The following SYNE1 variants were observed in gnomAD, a reference collection of about 807,000 sequenced individuals.
SYNE1 encodes nesprin-1.
Under a neutral mutation model 1,111.0 loss-of-function variants are expected in SYNE1, and 616 were observed. That is an observed-to-expected ratio of 0.55 (90% CI 0.52 to 0.59). The LOEUF is 0.59. Among genes scored for constraint, SYNE1 ranks in the 20% least tolerant of loss-of-function variants. SYNE1 has a pLI of 0.00. For missense variants in SYNE1, 10,006 were observed against 10,417.0 expected (o/e 0.96, Z 1.72); for synonymous variants, 3,855 against 3,825.8 (o/e 1.01, Z -0.28).
At chr6:152,379,365 G>T (rs2097354524) in intron 56 of SYNE1, among the ~76,000 whole-genome samples, 1 of 151,844 alleles carries the variant, frequency 6.6e-6, no homozygotes, top group African/African-American at 2.4e-5. Context: ...ATAGTAAATA[G>T]AATTATTTTT....
chr6:152,440,633 T>C (rs2098520713), intron 32 of SYNE1, among the ~76,000 whole-genome samples: 1 of 144,426 alleles, frequency 6.9e-6, no homozygotes, highest in African/African-American at 2.6e-5. Context: ...AGTGGTGCCA[T>C]CTCGGCTCAC....
rs531509770 is a variant in SYNE1, at chr6:152,233,482, G to A, written c.20712+299C>T. ...TGGGACTACAGGCGCACACCGCCACGCCAGGCTAATTTTTTGTATTTTAGT... is the reference window on the plus strand; with the variant it reads ...TGGGACTACAGGCGCACACCGCCACACCAGGCTAATTTTTTGTATTTTAGT... On this transcript the variant is annotated intron_variant, in intron 112 of 145. Transcript: ENST00000367255. Among the ~76,000 whole-genome samples the A allele has an allele frequency of 1.8e-4, 27 of 152,110 alleles. 1 individual carries two copies. The South Asian group carries it at 5.2e-3, about 29-fold the overall frequency.
intron 81 of SYNE1, among the ~76,000 whole-genome samples, chr6:152,324,576 C>T (rs2095996535): frequency 1.3e-5 from 2 of 152,038 alleles, no homozygotes; most frequent in African/African-American, 4.8e-5. Context: ...GGGCGGATCA[C>T]GAGGTCAGGA....
intron 3 of SYNE1, among the ~76,000 whole-genome samples, chr6:152,559,303 G>A (rs987872303): frequency 6.6e-6 from 1 of 152,070 alleles, no homozygotes; most frequent in Non-Finnish European, 1.5e-5. Context: ...GTCTCACTGT[G>A]TTGCCCAGGC....
In SYNE1 at chr6:152,166,242, G is replaced by C. The variant is rs149715420; in HGVS notation, c.23628-1917C>G. On this transcript the variant is annotated intron_variant, in intron 130 of 145. Transcript: ENST00000367255. The stretch of plus-strand genomic sequence containing the variant: ...CTGGAAATGTGAATTTCTATATTTG[G>C]CTATTTCCCTACCCCGGCCATGCTA... Among the ~76,000 whole-genome samples the C allele has an allele frequency of 2.2e-3, 336 of 152,230 alleles. 3 individuals carry two copies. The highest frequency in any genetic ancestry group is 6.4e-3 in the African/African-American group (267 of 41,544).
At chr6:152,362,027 C>G in intron 64 of SYNE1, 143 bp downstream of exon 64, 1 of 1,124,098 alleles carries the variant, frequency 8.9e-7, no homozygotes, top group Non-Finnish European at 1.3e-6. Context: ...GTTTAAGAAG[C>G]CTTTAGAGAT....
intron 98 of SYNE1, among the ~76,000 whole-genome samples, chr6:152,273,154 T>C (rs1290249982): frequency 6.6e-6 from 1 of 152,218 alleles, no homozygotes; most frequent in African/African-American, 2.4e-5. Context: ...CTTCACCCAA[T>C]GTGGGCAGGG....
Position 152,445,095 on chromosome 6 carries a change from A to G in SYNE1, c.3670-517T>C, listed in dbSNP as rs2098568409. Among the ~76,000 whole-genome samples the G allele has an allele frequency of 1.3e-5, 2 of 152,064 alleles. 1 individual carries two copies. Among genetic ancestry groups the G allele is most frequent in the South Asian group, 4.1e-4 (2 of 4,834 alleles). On this transcript the variant is annotated intron_variant, in intron 29 of 145. Coordinates refer to ENST00000367255, the MANE Select transcript of SYNE1 (RefSeq NM_182961.4). ...GTGCTCTGGGGCATATTAAAAACCC[A>G]TTCAACCTGGTAATCAAGGAAGGAT...
intron 41 of SYNE1, 73 bp from the exon 42 acceptor site, chr6:152,413,604 A>G: frequency 6.8e-7 from 1 of 1,468,988 alleles, no homozygotes; most frequent in Non-Finnish European, 9.5e-7. Flanking sequence ...CCGTAAGTAT[A>G]TGATGAGTCC....
At chr6:152,531,162 A>G (rs1431599729) in intron 4 of SYNE1, among the ~76,000 whole-genome samples, 1 of 152,204 alleles carries the variant, frequency 6.6e-6, no homozygotes. Context: ...AAGATGCTGT[A>G]AAGTGTTTCC....
chr6:152,326,713 T>C, intron 78 of SYNE1, 80 bp from the exon 79 acceptor site: 1 of 1,376,070 alleles, frequency 7.3e-7, no homozygotes, highest in South Asian at 1.2e-5. Flanking sequence ...ACTCATTTGT[T>C]TTCCAGTCCT....
At chr6:152,408,937 A>G (rs2097955149) in intron 44 of SYNE1, 131 bp downstream of exon 44, 1 of 912,236 alleles carries the variant, frequency 1.1e-6, no homozygotes. Context: ...CTGGGCAACA[A>G]GAGTGAAACT....
At chr6:152,185,746 C>A (rs983137760) in intron 128 of SYNE1, among the ~76,000 whole-genome samples, 11 of 152,176 alleles carry the variant, frequency 7.2e-5, no homozygotes, top group Non-Finnish European at 7.3e-5. Flanking sequence ...ATCGCATGAT[C>A]AACATCAGCT....
Position 152,504,067 on chromosome 6 carries a change from G to C in SYNE1, c.778+1134C>G, listed in dbSNP as rs926924178. 1.1e-4 allele frequency among the ~76,000 whole-genome samples: 16 copies of C among 152,028 alleles called. 2 individuals are homozygous for C. The highest frequency in any genetic ancestry group is 9.8e-4 in the Admixed American group (15 of 15,258). The stretch of plus-strand genomic sequence containing the variant: ...TTCTAATCATCAAAGAAAATATTAA[G>C]ATCTTCTGGTCTGGTGGATATGAAA... On this transcript the variant is annotated intron_variant, in intron 9 of 145. Coordinates refer to ENST00000367255, the MANE Select transcript of SYNE1 (RefSeq NM_182961.4).
intron 51 of SYNE1, among the ~76,000 whole-genome samples, chr6:152,394,362 T>C (rs2097697439): frequency 6.6e-6 from 1 of 152,170 alleles, no homozygotes; most frequent in South Asian, 2.1e-4. Context: ...GTAGAGTGGG[T>C]GCTATCCTCT....
Position 152,323,540 on chromosome 6 carries a change from T to C in SYNE1, c.15855A>G (p.Pro5285=). The part of the protein sequence containing the change: ...TLSMLQDGAA[P]TPGEEPPLMQ... ...TGAGCGGAGGCTCTTCCCCAGGGGTTGGGGCGGCTCCATCCTGGAGCATGC... is the reference window on the plus strand; with the variant it reads ...TGAGCGGAGGCTCTTCCCCAGGGGTCGGGGCGGCTCCATCCTGGAGCATGC... The change falls in exon 82 of 146, where the codon CCA becomes CCG. Residue 5285 remains proline (P), a synonymous_variant. Coordinates refer to ENST00000367255, the MANE Select transcript of SYNE1 (RefSeq NM_182961.4). The C allele has an allele frequency of 1.2e-6, 2 of 1,614,214 alleles. No individual in the cohort carries two copies. The highest frequency in any genetic ancestry group is 8.5e-7 in the Non-Finnish European group (1 of 1,180,038).
intron 3 of SYNE1, among the ~76,000 whole-genome samples, chr6:152,602,548 A>C (rs2099598682): frequency 6.6e-6 from 1 of 152,218 alleles, no homozygotes; most frequent in African/African-American, 2.4e-5. Context: ...ACACAGGTAC[A>C]TCTGCACAAA....
intron 5 of SYNE1, among the ~76,000 whole-genome samples, chr6:152,522,102 T>C (rs2099142593): frequency 1.3e-5 from 2 of 152,064 alleles, no homozygotes; most frequent in Non-Finnish European, 2.9e-5. Context: ...CAATAACTTT[T>C]AGGGTACAAT....
At chr6:152,390,705 T>G (rs561822245) in intron 52 of SYNE1, among the ~76,000 whole-genome samples, 1 of 152,340 alleles carries the variant, frequency 6.6e-6, no homozygotes, top group African/African-American at 2.4e-5. Context: ...ATAATTTTAT[T>G]GACTTCAGTT....
Sources: gnomAD v4.1 joint callset for allele counts (sites outside exome capture counted in the v4.1 genomes callset) on GRCh38, gnomAD v4.1.1 for gene constraint, MANE v1.5 for transcripts, NCBI Gene and HGNC (gene_info 2026-07-23, HGNC 2026-07-21) for gene names.